The following CISD2 variants were observed in gnomAD, a reference collection of about 807,000 sequenced individuals.
CISD2 encodes CDGSH iron sulfur domain 2.
In CISD2, 1 loss-of-function variant was observed where a neutral mutation model predicts 12.9. That is an observed-to-expected ratio of 0.08 (90% CI 0.03 to 0.37). CISD2 has a LOEUF of 0.37. Among genes scored for constraint, CISD2 ranks in the 10% least tolerant of loss-of-function variants. The pLI is 0.99. For synonymous variants in CISD2, 50 were observed against 60.6 expected, an observed-to-expected ratio of 0.83 and a Z score of 0.81; for missense variants, 97 against 163.1, an observed-to-expected ratio of 0.59 and a Z score of 2.21.
At chr4:102,886,864 C>G (rs1288315022) in intron 2 of CISD2, among the ~76,000 whole-genome samples, 1 of 152,210 alleles carries the variant, frequency 6.6e-6, no homozygotes, top group African/African-American at 2.4e-5. Context: ...ATTTGTCTAC[C>G]TCTGCCTCTG....
chr4:102,881,967 G>A (rs1028773446), intron 1 of CISD2, among the ~76,000 whole-genome samples: 5 of 152,130 alleles, frequency 3.3e-5, no homozygotes, highest in South Asian at 4.1e-4. Flanking sequence ...TGAGGCAGGC[G>A]GATCACTTGA....
intron 1 of CISD2, among the ~76,000 whole-genome samples, chr4:102,881,164 C>T (rs901258589): frequency 2.6e-5 from 4 of 151,626 alleles, no homozygotes; most frequent in African/African-American, 9.7e-5. Context: ...TTTTATCTTT[C>T]TTCATATAAA....
At chr4:102,886,954 G>A (rs1320787235) in intron 2 of CISD2, among the ~76,000 whole-genome samples, 2 of 152,166 alleles carry the variant, frequency 1.3e-5, no homozygotes, top group Non-Finnish European at 2.9e-5. Context: ...TGGTATGCAT[G>A]AGTTTTATAG....
intron 1 of CISD2, chr4:102,869,555 T>C: frequency 1.4e-6 from 1 of 701,248 alleles, no homozygotes; most frequent in African/African-American, 1.7e-5. Context: ...GTCGTCGTTA[T>C]CTAAGGCCTC....
intron 1 of CISD2, among the ~76,000 whole-genome samples, chr4:102,872,891 A>G (rs576662170): frequency 6.6e-6 from 1 of 152,340 alleles, no homozygotes; most frequent in South Asian, 2.1e-4. Flanking sequence ...ATAAAGAACT[A>G]CGCAAGACTG....
At chr4:102,880,343 T>C (rs968044239) in intron 1 of CISD2, among the ~76,000 whole-genome samples, 14 of 152,192 alleles carry the variant, frequency 9.2e-5, no homozygotes, top group Admixed American at 2.0e-4. Context: ...GGAAATAATA[T>C]AATAATCTGA....
chr4:102,878,641 G>A (rs1331060108), intron 1 of CISD2, among the ~76,000 whole-genome samples: 2 of 152,202 alleles, frequency 1.3e-5, no homozygotes, highest in Non-Finnish European at 2.9e-5. Flanking sequence ...ATCTCCAGCT[G>A]AGACCACGTC....
chr4:102,883,532 C>A (rs1280054397), intron 1 of CISD2, among the ~76,000 whole-genome samples: 1 of 152,158 alleles, frequency 6.6e-6, no homozygotes, highest in East Asian at 1.9e-4. Flanking sequence ...ACTGTTATTT[C>A]AAGACAGTTT....
At chr4:102,871,893 C>G (rs1247032836) in intron 1 of CISD2, among the ~76,000 whole-genome samples, 2 of 152,218 alleles carry the variant, frequency 1.3e-5, no homozygotes, top group South Asian at 4.1e-4. Flanking sequence ...AAGCTATTGA[C>G]TCTCTTATGA....
At chr4:102,869,701 C>T (rs1157739453) in intron 1 of CISD2, among the ~76,000 whole-genome samples, 1 of 152,128 alleles carries the variant, frequency 6.6e-6, no homozygotes, top group African/African-American at 2.4e-5. Flanking sequence ...GAGATAACCT[C>T]CATTCCCTCA....
chr4:102,884,894 A>G (rs975106459), intron 1 of CISD2, among the ~76,000 whole-genome samples: 21 of 152,362 alleles, frequency 1.4e-4, no homozygotes, highest in African/African-American at 4.6e-4. Context: ...AATTTTGTTT[A>G]TAGTTATAGT....
intron 2 of CISD2, 30 bp downstream of exon 2, chr4:102,885,460 A>G: frequency 6.4e-7 from 1 of 1,564,198 alleles, no homozygotes; most frequent in Non-Finnish European, 8.8e-7. Flanking sequence ...GTACACTAAA[A>G]TTTTGCAGTG....
At chr4:102,882,758 GT>G in intron 1 of CISD2, 1 of 153,868 alleles carries the variant, frequency 6.5e-6, no homozygotes, top group Non-Finnish European at 1.4e-5. Context: ...GTTTTGTTTT[GT>G]TTTTGAGACA....
chr4:102,875,225 C>T (rs1203570060), intron 1 of CISD2, among the ~76,000 whole-genome samples: 1 of 152,254 alleles, frequency 6.6e-6, no homozygotes, highest in African/African-American at 2.4e-5. Context: ...TTCCCATGAA[C>T]TTCTGTACTC....
chr4:102,879,710 T>G (rs1733671343), intron 1 of CISD2, among the ~76,000 whole-genome samples: 1 of 152,026 alleles, frequency 6.6e-6, no homozygotes, highest in African/African-American at 2.4e-5. Flanking sequence ...AGGCAGAGGT[T>G]GCAGTGAGCC....
chr4:102,879,633 G>A (rs575018630), intron 1 of CISD2, among the ~76,000 whole-genome samples: 17 of 152,122 alleles, frequency 1.1e-4, no homozygotes, highest in South Asian at 4.1e-4. Flanking sequence ...TTAGCAGGGC[G>A]TTTTGGCAGG....
intron 1 of CISD2, among the ~76,000 whole-genome samples, chr4:102,881,966 C>T (rs1441281904): frequency 6.6e-6 from 1 of 152,022 alleles, no homozygotes; most frequent in East Asian, 1.9e-4. Context: ...CTGAGGCAGG[C>T]GGATCACTTG....
At chr4:102,878,339 C>G (rs2110395295) in intron 1 of CISD2, among the ~76,000 whole-genome samples, 1 of 152,222 alleles carries the variant, frequency 6.6e-6, no homozygotes, top group East Asian at 1.9e-4. Context: ...CCATGTTGGC[C>G]AGGACGGTCT....
intron 2 of CISD2, among the ~76,000 whole-genome samples, chr4:102,886,315 C>A (rs1287625998): frequency 6.6e-6 from 1 of 151,826 alleles, no homozygotes; most frequent in African/African-American, 2.4e-5. Flanking sequence ...GGTGAAACCC[C>A]GTCTCTACTA....
Sources: gnomAD v4.1 joint callset for allele counts (sites outside exome capture counted in the v4.1 genomes callset) on GRCh38, gnomAD v4.1.1 for gene constraint, MANE v1.5 for transcripts, NCBI Gene and HGNC (gene_info 2026-07-23, HGNC 2026-07-21) for gene names.